GPC5: variants seen among roughly 807,000 people sequenced by gnomAD.
GPC5 encodes the protein glypican-5.
Under a neutral mutation model 53.9 loss-of-function variants are expected in GPC5, and 47 were observed. The ratio of observed to expected loss-of-function variants is 0.87; its 90% CI spans 0.69 to 1.11. The LOEUF (loss-of-function observed/expected upper bound fraction) is 1.11. Ranked by LOEUF, GPC5 falls within the 50% of genes most tolerant of loss-of-function variation. The pLI is 0.00. For missense variants in GPC5, 748 were observed against 713.1 expected (o/e 1.05, Z -0.56); for synonymous variants, 286 against 263.3 (o/e 1.09, Z -0.84).
At chr13:92,086,412 A>G (rs766310333) in intron 6 of GPC5, among the ~76,000 whole-genome samples, 3 of 152,262 alleles carry the variant, frequency 2.0e-5, no homozygotes, top group South Asian at 2.1e-4. Flanking sequence ...CTTCAATAAC[A>G]TGTATTTCTA....
intron 5 of GPC5, among the ~76,000 whole-genome samples, chr13:91,842,452 T>C (rs996926942): frequency 2.0e-5 from 3 of 148,674 alleles, no homozygotes; most frequent in African/African-American, 7.5e-5. Flanking sequence ...CCTGTAATCC[T>C]AGCACTTTGG....
At chr13:91,552,343 A>T (rs1385277371) in intron 2 of GPC5, among the ~76,000 whole-genome samples, 1 of 151,968 alleles carries the variant, frequency 6.6e-6, no homozygotes, top group Non-Finnish European at 1.5e-5. Flanking sequence ...TTATTGTTAT[A>T]TCTAACGTGT....
chr13:92,450,055 C>T (rs1186535296), intron 7 of GPC5, among the ~76,000 whole-genome samples: 2 of 152,164 alleles, frequency 1.3e-5, no homozygotes, highest in Non-Finnish European at 2.9e-5. Flanking sequence ...GAAAGTAAAA[C>T]TAAACCAAAT....
At chr13:92,851,239 T>C (rs1843951371) in intron 7 of GPC5, among the ~76,000 whole-genome samples, 1 of 152,106 alleles carries the variant, frequency 6.6e-6, no homozygotes. Context: ...CACTGGGGAT[T>C]ACTATTTGAC....
At chr13:91,733,341 G>A (rs113774196) in intron 4 of GPC5, among the ~76,000 whole-genome samples, 3 of 152,070 alleles carry the variant, frequency 2.0e-5, no homozygotes, top group African/African-American at 4.8e-5. Flanking sequence ...CACCATGTTC[G>A]CCAGGCTGGT....
At chr13:91,402,471 T>C (rs775381195) in intron 1 of GPC5, among the ~76,000 whole-genome samples, 1 of 152,198 alleles carries the variant, frequency 6.6e-6, no homozygotes, top group Non-Finnish European at 1.5e-5. Flanking sequence ...AGAAAAATGA[T>C]CTGCTTGGTA....
At chr13:91,459,714 T>G (rs1305503077) in intron 2 of GPC5, among the ~76,000 whole-genome samples, 3 of 152,082 alleles carry the variant, frequency 2.0e-5, no homozygotes, top group African/African-American at 7.2e-5. Context: ...AGGCTAAGCT[T>G]ATACAGGGTA....
intron 2 of GPC5, among the ~76,000 whole-genome samples, chr13:91,524,981 G>A (rs372583924): frequency 7.2e-5 from 11 of 152,260 alleles, no homozygotes; most frequent in African/African-American, 2.6e-4. Flanking sequence ...TTGCTGTCAA[G>A]TTAAAGTCAT....
chr13:92,457,985 A>C (rs1432391497), intron 7 of GPC5, among the ~76,000 whole-genome samples: 1 of 152,092 alleles, frequency 6.6e-6, no homozygotes, highest in East Asian at 1.9e-4. Context: ...TGCTAAATTG[A>C]GGTAATCAAG....
At chr13:91,681,245 G>A (rs553465268) in intron 2 of GPC5, among the ~76,000 whole-genome samples, 2 of 152,244 alleles carry the variant, frequency 1.3e-5, no homozygotes, top group African/African-American at 4.8e-5. Flanking sequence ...GACTTTGAAC[G>A]ATCTGGCCTA....
chr13:92,407,006 A>G (rs1200471326), intron 7 of GPC5, among the ~76,000 whole-genome samples: 1 of 152,172 alleles, frequency 6.6e-6, no homozygotes, highest in Admixed American at 6.5e-5. Context: ...TTGAATAATA[A>G]ATTTGAAGCT....
At chr13:92,241,433 A>G (rs2042610869) in intron 7 of GPC5, 1 of 152,188 alleles carries the variant, frequency 6.6e-6, no homozygotes, top group African/African-American at 2.4e-5. Flanking sequence ...TTAGAGTCTG[A>G]GATTTCAGAG....
At chr13:92,394,283 G>A (rs553711805) in intron 7 of GPC5, among the ~76,000 whole-genome samples, 5 of 152,216 alleles carry the variant, frequency 3.3e-5, no homozygotes, top group South Asian at 2.1e-4. Flanking sequence ...GTGTGTGTAC[G>A]TATTGTTGTG....
intron 7 of GPC5, among the ~76,000 whole-genome samples, chr13:92,804,847 T>G (rs1877035297): frequency 6.6e-6 from 1 of 152,104 alleles, no homozygotes; most frequent in African/African-American, 2.4e-5. Flanking sequence ...TGTAATATTC[T>G]ACATATTTTG....
chr13:92,359,828 C>T (rs1163769068), intron 7 of GPC5, among the ~76,000 whole-genome samples: 1 of 151,638 alleles, frequency 6.6e-6, no homozygotes, highest in Admixed American at 6.6e-5. Flanking sequence ...GATTCAATCA[C>T]CTCCCACCAG....
chr13:92,115,102 G>A (rs907875812), intron 6 of GPC5, among the ~76,000 whole-genome samples: 6 of 152,184 alleles, frequency 3.9e-5, no homozygotes, highest in Non-Finnish European at 7.3e-5. Context: ...AAGCCCATTA[G>A]AAGTGTTTGA....
Position 91,458,524 on chromosome 13 carries a change from G to A in GPC5, c.325+9602G>A, listed in dbSNP as rs990494471. Among the ~76,000 whole-genome samples, 5 of 151,908 alleles carry A rather than the reference G, an allele frequency of 3.3e-5. 1 individual carries two copies. In the South Asian group the frequency reaches 8.3e-4, roughly 25 times the overall value. On this transcript the variant is annotated intron_variant, in intron 2 of 7. Transcript: ENST00000377067. ...AACATGCTCAACATCACGAATTATC[G>A]GGAAATGCAAATCAAAACCACAGTG...
chr13:92,817,528 T>A (rs2138806204), intron 7 of GPC5, among the ~76,000 whole-genome samples: 1 of 152,110 alleles, frequency 6.6e-6, no homozygotes, highest in African/African-American at 2.4e-5. Context: ...TCAGCATCAA[T>A]CAAACTATTT....
intron 6 of GPC5, among the ~76,000 whole-genome samples, chr13:92,049,216 C>A (rs1369392026): frequency 6.6e-6 from 1 of 152,106 alleles, no homozygotes; most frequent in Non-Finnish European, 1.5e-5. Flanking sequence ...AAACTATATA[C>A]CTAATACATA....
Sources: gnomAD v4.1 joint callset for allele counts (sites outside exome capture counted in the v4.1 genomes callset) on GRCh38, gnomAD v4.1.1 for gene constraint, MANE v1.5 for transcripts, NCBI Gene and HGNC (gene_info 2026-07-23, HGNC 2026-07-21) for gene names.